GABRA2: variants seen among roughly 807,000 people sequenced by gnomAD.
The protein encoded by GABRA2 is gamma-aminobutyric acid type A receptor subunit alpha2.
Under a neutral mutation model 48.7 loss-of-function variants are expected in GABRA2, and 16 were observed. That is an observed-to-expected ratio of 0.33 (90% confidence interval 0.22 to 0.50). GABRA2 has a LOEUF of 0.50. GABRA2 is among the 20% of genes least tolerant of loss of function. GABRA2 has a pLI of 0.98. For synonymous variants in GABRA2, 185 were observed against 184.5 expected (o/e 1.00, Z -0.02); for missense variants, 275 against 535.6 (o/e 0.51, Z 4.80).
intron 3 of GABRA2, chr4:46,363,818 T>C (rs1713607855): frequency 6.6e-6 from 1 of 152,204 alleles, no homozygotes; most frequent in South Asian, 2.1e-4. Flanking sequence ...CATTTTGGAA[T>C]GTGTAGTTTT....
intron 8 of GABRA2, among the ~76,000 whole-genome samples, chr4:46,292,679 G>A (rs1723904201): frequency 6.6e-6 from 1 of 152,162 alleles, no homozygotes; most frequent in Non-Finnish European, 1.5e-5. Flanking sequence ...GGCCCACTGT[G>A]AGTGAGCTGG....
chr4:46,309,161 C>G (rs953876651), intron 6 of GABRA2, among the ~76,000 whole-genome samples: 9 of 152,070 alleles, frequency 5.9e-5, no homozygotes, highest in Admixed American at 5.9e-4. Flanking sequence ...AGACCTGACA[C>G]CTTTTGCAAG....
intron 8 of GABRA2, among the ~76,000 whole-genome samples, chr4:46,290,904 T>C (rs1364861179): frequency 6.6e-6 from 1 of 152,182 alleles, no homozygotes; most frequent in Non-Finnish European, 1.5e-5. Flanking sequence ...TGATTGCCTT[T>C]CTTATGTTGA....
intron 6 of GABRA2, among the ~76,000 whole-genome samples, chr4:46,309,653 T>C (rs1211564134): frequency 1.3e-5 from 2 of 152,012 alleles, no homozygotes; most frequent in African/African-American, 4.8e-5. Context: ...ATGTCCTATG[T>C]ACATAGAAGG....
chr4:46,279,623 AT>A (rs1463361314), intron 8 of GABRA2, among the ~76,000 whole-genome samples: 2 of 152,106 alleles, frequency 1.3e-5, no homozygotes, highest in Non-Finnish European at 2.9e-5. Flanking sequence ...ATATTAAAAT[AT>A]TCATACATTC....
intron 4 of GABRA2, among the ~76,000 whole-genome samples, chr4:46,319,214 A>C (rs975437321): frequency 2.0e-5 from 3 of 151,820 alleles, no homozygotes; most frequent in African/African-American, 7.2e-5. Context: ...GCCTGACTAC[A>C]TTAATTATAA....
chr4:46,288,435 G>A lies in GABRA2; in HGVS notation c.856+15025C>T, dbSNP rs368201094. Among the ~76,000 whole-genome samples the A allele has an allele frequency of 2.1e-4, 32 of 152,140 alleles. No individual in the cohort carries two copies. In the East Asian group the frequency reaches 4.8e-3, roughly 23 times the overall value. ...TTCGTACCTACACTACTTGATCTTC[G>A]ACAAACCTGACAAAAATAAGCAATG... On this transcript the variant is annotated intron_variant, in intron 8 of 9. Coordinates refer to ENST00000381620, the MANE Select transcript of GABRA2 (RefSeq NM_000807.4).
chr4:46,372,367 T>G (rs1437081593), intron 3 of GABRA2, among the ~76,000 whole-genome samples: 1 of 152,166 alleles, frequency 6.6e-6, no homozygotes. Context: ...AAGGAACAGA[T>G]GATTCCACTC....
At chr4:46,362,770 G>A (rs1265756260) in intron 3 of GABRA2, among the ~76,000 whole-genome samples, 3 of 152,136 alleles carry the variant, frequency 2.0e-5, no homozygotes, top group African/African-American at 7.2e-5. Flanking sequence ...ATTCTTAGCT[G>A]ATTTACATGC....
chr4:46,291,777 A>ACATATATATG (rs1553906980), intron 8 of GABRA2, among the ~76,000 whole-genome samples: 1 of 57,284 alleles, frequency 1.7e-5, no homozygotes, highest in Admixed American at 2.1e-4. Flanking sequence ...AAACACACAC[A>ACATATATATG]TATATATATA....
At chr4:46,286,034 C>T (rs906664918) in intron 8 of GABRA2, among the ~76,000 whole-genome samples, 1 of 152,040 alleles carries the variant, frequency 6.6e-6, no homozygotes, top group Non-Finnish European at 1.5e-5. Flanking sequence ...TCTGCAACCA[C>T]TGTCTTTCTC....
intron 8 of GABRA2, among the ~76,000 whole-genome samples, chr4:46,275,653 C>T (rs1720342733): frequency 6.6e-6 from 1 of 152,088 alleles, no homozygotes; most frequent in Non-Finnish European, 1.5e-5. Context: ...ATATAAACCG[C>T]CCCAATGTTA....
intron 8 of GABRA2, among the ~76,000 whole-genome samples, chr4:46,295,593 T>G (rs886735887): frequency 6.6e-6 from 1 of 152,134 alleles, no homozygotes; most frequent in East Asian, 1.9e-4. Context: ...GTGGCAGGGA[T>G]GGAGCTTATG....
At chr4:46,293,287 A>AG (rs1330928805) in intron 8 of GABRA2, among the ~76,000 whole-genome samples, 7 of 151,682 alleles carry the variant, frequency 4.6e-5, no homozygotes, top group Admixed American at 1.3e-4. Flanking sequence ...CCTTGAATGA[A>AG]GGGGGGTCCC....
At position 46,265,446 on chromosome 4, in the gene GABRA2, G is replaced by GTATATATATTA. The variant is rs1335759239; in HGVS notation, c.857-3319_857-3318insTAATATATATA. On this transcript the variant is annotated intron_variant, in intron 8 of 9. Coordinates refer to ENST00000381620, the MANE Select transcript of GABRA2 (RefSeq NM_000807.4). ...ATTGTGTATATATATATAATATATT[G>GTATATATATTA]TGTATATATATAATATATATATAAT... Among the ~76,000 whole-genome samples the GTATATATATTA allele has an allele frequency of 2.5e-5, 3 of 118,376 alleles. 1 individual carries two copies. Among genetic ancestry groups the GTATATATATTA allele is most frequent in the African/African-American group, 1.7e-4 (3 of 18,076 alleles). 77.7% of individuals were successfully genotyped at this position (118,376 alleles called of 152,430 possible).
chr4:46,247,587 A>G lies in GABRA2; in HGVS notation c.*2721T>C, dbSNP rs1713953223. ...ATGTATTTATCTACATTTTGTACAT[A>G]CCATAACTCTTTATGTCATTGTACA... On this transcript the variant is annotated 3_prime_UTR_variant, in exon 10 of 10. Coordinates refer to ENST00000381620, the MANE Select transcript of GABRA2 (RefSeq NM_000807.4). Among the ~76,000 whole-genome samples the G allele has an allele frequency of 6.6e-6, 1 of 151,278 alleles. No individual in the cohort carries two copies. Among genetic ancestry groups the G allele is most frequent in the African/African-American group, 2.4e-5 (1 of 41,350 alleles).
intron 3 of GABRA2, among the ~76,000 whole-genome samples, chr4:46,355,854 G>T (rs974431368): frequency 6.6e-6 from 1 of 151,984 alleles, no homozygotes; most frequent in South Asian, 2.1e-4. Context: ...GACTCTTTAA[G>T]GGTCTTTCTA....
At chr4:46,322,075 C>T (rs1259143162) in intron 4 of GABRA2, among the ~76,000 whole-genome samples, 3 of 151,904 alleles carry the variant, frequency 2.0e-5, no homozygotes, top group Non-Finnish European at 2.9e-5. Context: ...TGTATGTTCC[C>T]GTTTTACTAC....
At chr4:46,348,408 A>G (rs974350270) in intron 3 of GABRA2, among the ~76,000 whole-genome samples, 3 of 152,078 alleles carry the variant, frequency 2.0e-5, no homozygotes, top group African/African-American at 7.2e-5. Flanking sequence ...CATTTGACCC[A>G]GCCATCCCAT....
Sources: allele counts gnomAD v4.1 joint callset (sites outside exome capture counted in the v4.1 genomes callset), GRCh38; gene constraint gnomAD v4.1.1; transcripts MANE v1.5; gene names NCBI Gene and HGNC (gene_info 2026-07-23, HGNC 2026-07-21).